The following RAD21L1 variants were observed in gnomAD, a reference collection of about 807,000 sequenced individuals.
The protein encoded by RAD21L1 is RAD21 cohesin complex component like 1.
A neutral mutation model predicts 69.0 loss-of-function variants in RAD21L1; 47 were observed. The observed-to-expected ratio is 0.68, with a 90% CI of 0.54 to 0.87. The LOEUF (loss-of-function observed/expected upper bound fraction) is 0.87. Ranked by LOEUF, RAD21L1 falls within the 40% of genes least tolerant of loss-of-function variation. RAD21L1 has a pLI of 0.00. For missense variants in RAD21L1, 583 were observed against 647.6 expected, an observed-to-expected ratio of 0.90 and a Z score of 1.08; for synonymous variants, 177 against 205.8, an observed-to-expected ratio of 0.86 and a Z score of 1.20.
chr20:1,243,449 A>G (rs1391949912), intron 10 of RAD21L1, among the ~76,000 whole-genome samples: 1 of 152,014 alleles, frequency 6.6e-6, no homozygotes, highest in Non-Finnish European at 1.5e-5. Context: ...TCTTATTATC[A>G]CTCTTTCTAC....
intron 11 of RAD21L1, among the ~76,000 whole-genome samples, chr20:1,245,906 G>C: frequency 6.6e-6 from 1 of 152,056 alleles, no homozygotes; most frequent in Non-Finnish European, 1.5e-5. Context: ...AGTGGTCTCA[G>C]TAGCACAGCA....
At chr20:1,226,201 G>A (rs1485688321) in intron 1 of RAD21L1, 61 bp downstream of exon 1, 2 of 151,728 alleles carry the variant, frequency 1.3e-5, no homozygotes, top group African/African-American at 4.8e-5. Flanking sequence ...TGGGAGATGG[G>A]GGCCGCCGCC....
intron 5 of RAD21L1, among the ~76,000 whole-genome samples, chr20:1,236,592 C>G (rs1355803003): frequency 4.6e-5 from 7 of 152,124 alleles, no homozygotes. Context: ...TGAACTTTCT[C>G]TATTGATTTC....
chr20:1,240,128 A>G (rs1466019707), intron 7 of RAD21L1, among the ~76,000 whole-genome samples, 193 bp from the exon 8 acceptor site: 2 of 152,198 alleles, frequency 1.3e-5, no homozygotes, highest in African/African-American at 4.8e-5. Context: ...TCACTCGAAT[A>G]CTGTGGGTCC....
In RAD21L1 at chr20:1,254,386, A is replaced by G. The variant is rs141028795; in HGVS notation, c.1597A>G (p.Ile533Val). 6.4e-7 allele frequency: 1 copy of G among 1,551,450 alleles called. No homozygotes were observed. The highest frequency in any genetic ancestry group is 8.7e-7 in the Non-Finnish European group (1 of 1,146,838). The change falls in exon 14 of 14, where the codon ATT becomes GTT. Residue 533 changes from isoleucine to valine, a missense_variant. Physicochemically the swap from Ile to Val is conservative, Grantham distance 29 (BLOSUM62 3). Coordinates refer to ENST00000683101, the MANE Select transcript of RAD21L1 (RefSeq NM_001384355.1). ...TCTTGTCCTAAAGAAACAGCTGGCT[A>G]TTGAGCTGAGCCAGAGTGCTCCCTA... Reference protein sequence around the residue: ...SFLVLKKQLAIELSQSAPYAD... With the variant: ...SFLVLKKQLAVELSQSAPYAD...
At position 1,243,216 on chromosome 20, in the gene RAD21L1, T is replaced by C. The variant is rs1356939596; in HGVS notation, c.1183+20T>C. 2.9e-5 allele frequency: 37 copies of C among 1,264,866 alleles called. No individual in the cohort carries two copies. Among genetic ancestry groups the C allele is most frequent in the Admixed American group, 8.2e-5 (3 of 36,460 alleles). 78.4% of individuals were successfully genotyped at this position (1,264,866 alleles called of 1,614,324 possible). A position where few individuals can be genotyped will look rare whatever the true frequency, so the allele number is the denominator to read the frequency against. Reference sequence around the variant, plus strand: ...TAGTAGGTGAGACTTCTTAATTCTGTTGATGTTGAGGGGAATGCTGTGGAA... The same window carrying C: ...TAGTAGGTGAGACTTCTTAATTCTGCTGATGTTGAGGGGAATGCTGTGGAA... On this transcript the variant is annotated intron_variant, in intron 10 of 13. Coordinates refer to ENST00000683101, the MANE Select transcript of RAD21L1 (RefSeq NM_001384355.1).
intron 8 of RAD21L1, 47 bp from the exon 9 acceptor site, chr20:1,242,572 T>C (rs1000143266): frequency 1.1e-5 from 15 of 1,398,696 alleles, no homozygotes; most frequent in Admixed American, 9.9e-5. Flanking sequence ...AATATGATTT[T>C]AGAAAGCTGT....
At chr20:1,231,844 C>T (rs2087397410) in intron 4 of RAD21L1, among the ~76,000 whole-genome samples, 1 of 152,128 alleles carries the variant, frequency 6.6e-6, no homozygotes. Context: ...TCTATTCATT[C>T]AGTAAATATT....
Position 1,242,724 on chromosome 20 carries a change from C to A in RAD21L1, c.962C>A (p.Thr321Lys). ...IHKQLTSFADTLMVLELAPPT... is the reference protein window; with the variant it reads ...IHKQLTSFADKLMVLELAPPT... Reference sequence around the variant, plus strand: ...AAACAGCTTACTTCCTTTGCGGACACACTCATGGTTTTGGAACTTGCACCT... The same window carrying A: ...AAACAGCTTACTTCCTTTGCGGACAAACTCATGGTTTTGGAACTTGCACCT... Residue 321 changes from threonine (T) to lysine (K), a missense_variant, in exon 9 of 14, where the codon ACA (threonine) becomes AAA (lysine). Physicochemically the swap from Thr to Lys is moderately conservative, Grantham distance 78. Coordinates refer to ENST00000683101, the MANE Select transcript of RAD21L1 (RefSeq NM_001384355.1). 4 of 1,551,586 alleles carry A rather than the reference C, an allele frequency of 2.6e-6. No homozygotes were observed. The East Asian group carries it at 9.8e-5, about 38-fold the overall frequency.
Position 1,246,402 on chromosome 20 carries a change from G to T in RAD21L1, c.1401+97G>T. 4.4e-6 allele frequency: 2 copies of T among 456,488 alleles called. No individual in the cohort carries two copies. The highest frequency in any genetic ancestry group is 6.5e-5 in the South Asian group (1 of 15,426). 28.3% of individuals were successfully genotyped at this position (456,488 alleles called of 1,614,324 possible). A position where few individuals can be genotyped will look rare whatever the true frequency, so the allele number is the denominator to read the frequency against. ...AAAACTTGGCTTTTATAGCTGTCATGTTACTTTCTAAATTTATAATTTAAA... is the reference window on the plus strand; with the variant it reads ...AAAACTTGGCTTTTATAGCTGTCATTTTACTTTCTAAATTTATAATTTAAA... On this transcript the variant is annotated intron_variant, in intron 12 of 13. Transcript: ENST00000683101. The surrounding 1 kb of genome is among the most constrained non-coding windows in gnomAD (Gnocchi z 4.6).
At chr20:1,237,054 A>G (rs1195340227) in intron 5 of RAD21L1, among the ~76,000 whole-genome samples, 2 of 152,198 alleles carry the variant, frequency 1.3e-5, no homozygotes, top group Non-Finnish European at 2.9e-5. Flanking sequence ...TTGTCATGAT[A>G]GTTGTTTTTT....
At chr20:1,242,176 C>T (rs1264544976) in intron 8 of RAD21L1, among the ~76,000 whole-genome samples, 1 of 152,156 alleles carries the variant, frequency 6.6e-6, no homozygotes, top group East Asian at 1.9e-4. Context: ...GCATAATTTT[C>T]AGAGGGGAGA....
chr20:1,248,822 C>A (rs2087769883), intron 13 of RAD21L1, 119 bp downstream of exon 13: 2 of 548,116 alleles, frequency 3.6e-6, no homozygotes, highest in Non-Finnish European at 6.3e-6. Flanking sequence ...GAGGCCAAAT[C>A]CCACTAGAGT....
rs992996772 is a variant in RAD21L1 at position 1,242,832 on chromosome 20, C to A, written c.1070C>A (p.Ala357Asp). The A allele has an allele frequency of 6.5e-7, 1 of 1,550,044 alleles. No homozygotes were observed. Among genetic ancestry groups the A allele is most frequent in the Non-Finnish European group, 8.7e-7 (1 of 1,145,578 alleles). Residue 357 changes from alanine to aspartate, a missense_variant, in exon 9 of 14, where the codon GCT (alanine) becomes GAT (aspartate). Ala to Asp is a moderately radical substitution (Grantham distance 126). Coordinates refer to ENST00000683101, the MANE Select transcript of RAD21L1 (RefSeq NM_001384355.1). ...LSTAAQDLIH[A>D]ELKMLFTKCF... Reference sequence around the variant, plus strand: ...ACTGCTGCCCAGGATTTGATTCATGCTGAACTGAAAATGGTAACGGTTCCT... The same window carrying A: ...ACTGCTGCCCAGGATTTGATTCATGATGAACTGAAAATGGTAACGGTTCCT...
chr20:1,244,725 A>G (rs1041936943), intron 11 of RAD21L1, among the ~76,000 whole-genome samples: 4 of 152,102 alleles, frequency 2.6e-5, no homozygotes, highest in African/African-American at 9.7e-5. Context: ...ACTTTGAAAT[A>G]TTTTCTCAGT....
intron 8 of RAD21L1, 77 bp from the exon 9 acceptor site, chr20:1,242,542 C>T: frequency 8.7e-7 from 1 of 1,149,210 alleles, no homozygotes; most frequent in Non-Finnish European, 1.3e-6. Context: ...TTAGAAATTT[C>T]TTAAGTATTT....
At chr20:1,242,349 C>T (rs112194626) in intron 8 of RAD21L1, among the ~76,000 whole-genome samples, 4,678 of 152,270 alleles carry the variant, frequency 0.031, 253 homozygotes, top group African/African-American at 0.11. Context: ...CCACCCATCT[C>T]AGCCTCCTGA....
In RAD21L1 at chr20:1,239,353, A is replaced by G. The variant is rs374927533; in HGVS notation, c.688A>G (p.Met230Val). 4.8e-5 allele frequency: 74 copies of G among 1,550,238 alleles called. No homozygotes were observed. The highest frequency in any genetic ancestry group is 6.3e-5 in the Non-Finnish European group (72 of 1,145,726). Residue 230 changes from methionine to valine, a missense_variant, in exon 7 of 14, where the codon ATG becomes GTG. Transcript: ENST00000683101. The part of the protein sequence containing the change: ...QDDQNILLED[M>V]HLNREISLPS... ...TGATCAGAATATCCTGTTAGAAGAC[A>G]TGCATTTGAACAGAGAAATTTCCCT...
intron 5 of RAD21L1, among the ~76,000 whole-genome samples, chr20:1,234,899 T>C (rs994998229): frequency 3.3e-5 from 5 of 152,038 alleles, no homozygotes; most frequent in African/African-American, 1.2e-4. Context: ...GCCACCACAC[T>C]CAGCTAATTT....
Sources: gnomAD v4.1 joint callset for allele counts (sites outside exome capture counted in the v4.1 genomes callset) on GRCh38, gnomAD v4.1.1 for gene constraint, Gnocchi (gnomAD v3.1) non-coding constraint, MANE v1.5 for transcripts, NCBI Gene and HGNC (gene_info 2026-07-23, HGNC 2026-07-21) for gene names.